Variants in SGCD observed in about 807,000 individuals in gnomAD.
The protein encoded by SGCD is sarcoglycan delta, also known as delta-sarcoglycan.
SGCD carries 18 observed loss-of-function variants against 36.6 expected under a neutral mutation model. That is an observed-to-expected ratio of 0.49 (90% CI 0.34 to 0.73). SGCD has a LOEUF of 0.73. Ranked by LOEUF, SGCD falls within the 30% of genes least tolerant of loss-of-function variation. The pLI, the probability that SGCD is intolerant of heterozygous loss-of-function variation, is 0.01. For synonymous variants in SGCD, 133 were observed against 130.6 expected (o/e 1.02, Z -0.12); for missense variants, 387 against 346.7 (o/e 1.12, Z -0.92).
intron 1 of SGCD, among the ~76,000 whole-genome samples, chr5:156,049,190 G>A (rs1174179108): frequency 6.8e-6 from 1 of 146,218 alleles, no homozygotes; most frequent in African/African-American, 2.5e-5. Context: ...CTATATCTCT[G>A]TTTTGGTACC....
the SGCD span, among the ~76,000 whole-genome samples, chr5:155,824,691 G>C: frequency 1.1e-4 from 17 of 152,254 alleles, no homozygotes; most frequent in Non-Finnish European, 1.8e-4. Context: ...TGATTGGCGA[G>C]TGGTTAAGAC....
intron 1 of SGCD, among the ~76,000 whole-genome samples, chr5:156,075,601 TA>T (rs1760756271): frequency 6.6e-6 from 1 of 152,198 alleles, no homozygotes; most frequent in South Asian, 2.1e-4. Context: ...ATTGATATTT[TA>T]TAATGGTTAA....
chr5:156,471,028 A>G (rs972343959), intron 3 of SGCD, among the ~76,000 whole-genome samples: 8 of 152,126 alleles, frequency 5.3e-5, no homozygotes, highest in African/African-American at 1.9e-4. Context: ...GAATAAAGGG[A>G]TTTAACTAGG....
intron 2 of SGCD, among the ~76,000 whole-genome samples, chr5:156,119,879 T>G (rs920195859): frequency 6.6e-6 from 1 of 152,124 alleles, no homozygotes; most frequent in Non-Finnish European, 1.5e-5. Flanking sequence ...CAACCACTAA[T>G]TGATACCTTT....
At chr5:156,336,759 G>C (rs10061194) in intron 2 of SGCD, among the ~76,000 whole-genome samples, 1 of 152,104 alleles carries the variant, frequency 6.6e-6, no homozygotes, top group Admixed American at 6.5e-5. Flanking sequence ...GAGGCTGAAG[G>C]TATGAATGAG....
intron 1 of SGCD, among the ~76,000 whole-genome samples, chr5:156,033,908 G>A (rs1356907695): frequency 6.6e-6 from 1 of 152,088 alleles, no homozygotes; most frequent in Non-Finnish European, 1.5e-5. Flanking sequence ...TTATATCAAA[G>A]ATGCCAGCCA....
chr5:155,886,018 C>T (rs1050578128), intron 1 of SGCD, among the ~76,000 whole-genome samples: 5 of 152,132 alleles, frequency 3.3e-5, no homozygotes, highest in African/African-American at 1.2e-4. Flanking sequence ...TTTGGCTGAA[C>T]ATTTATTTAG....
At chr5:156,189,154 T>G (rs531395347) in intron 3 of SGCD, among the ~76,000 whole-genome samples, 38 of 152,310 alleles carry the variant, frequency 2.5e-4, no homozygotes, top group African/African-American at 8.9e-4. Flanking sequence ...TTTGCCTCCT[T>G]TAACATCCAA....
intron 3 of SGCD, among the ~76,000 whole-genome samples, chr5:156,464,214 A>T (rs1344652229): frequency 5.9e-4 from 74 of 125,328 alleles, no homozygotes; most frequent in African/African-American, 2.2e-3. Flanking sequence ...TTGAATCTAC[A>T]TATTTTTTTT....
intron 7 of SGCD, among the ~76,000 whole-genome samples, chr5:156,719,835 T>G (rs901184761): frequency 6.6e-6 from 1 of 152,064 alleles, no homozygotes; most frequent in African/African-American, 2.4e-5. Context: ...TTTTTTTTTT[T>G]TTTTTGGCTA....
At chr5:156,618,715 C>G (rs1050458229) in intron 6 of SGCD, among the ~76,000 whole-genome samples, 7 of 152,028 alleles carry the variant, frequency 4.6e-5, no homozygotes, top group Admixed American at 1.3e-4. Flanking sequence ...TTTCCCCTCG[C>G]AAGCTTGAGG....
Position 156,434,585 on chromosome 5 carries a change from G to A in SGCD, c.193-74016G>A, listed in dbSNP as rs576228226. ...CTGATAGACATTAATGAATGAAGCC[G>A]TATGATTAAAACATCTGGCACTGTC... On this transcript the variant is annotated intron_variant, in intron 3 of 8. Coordinates refer to ENST00000337851, the MANE Select transcript of SGCD (RefSeq NM_000337.6). Among the ~76,000 whole-genome samples the A allele has an allele frequency of 5.9e-5, 9 of 152,304 alleles. No homozygotes were observed. In the East Asian group the frequency reaches 7.7e-4, roughly 13 times the overall value.
the SGCD span, among the ~76,000 whole-genome samples, chr5:155,844,886 T>A: frequency 6.6e-6 from 1 of 152,346 alleles, no homozygotes; most frequent in African/African-American, 2.4e-5. Flanking sequence ...TCATCTTTTT[T>A]TATTATTGTA....
At chr5:155,987,756 A>G (rs1758358723) in intron 1 of SGCD, among the ~76,000 whole-genome samples, 1 of 152,116 alleles carries the variant, frequency 6.6e-6, no homozygotes, top group African/African-American at 2.4e-5. Context: ...TATTTTTATC[A>G]GGCAAACTCC....
chr5:155,752,816 A>G, the SGCD span, among the ~76,000 whole-genome samples: 1 of 152,252 alleles, frequency 6.6e-6, no homozygotes, highest in East Asian at 1.9e-4. Context: ...AGCTTTTCAC[A>G]TTGGCCCCTT....
chr5:156,732,176 G>C lies in SGCD; in HGVS notation c.576-25405G>C, dbSNP rs1406145345. Reference sequence around the variant, plus strand: ...TACCCAGGTGAGAACTTCCAATACTGTGTTGAATAGGAGTGGTGAGAGAAG... The same window carrying C: ...TACCCAGGTGAGAACTTCCAATACTCTGTTGAATAGGAGTGGTGAGAGAAG... On this transcript the variant is annotated intron_variant, in intron 7 of 8. Coordinates refer to ENST00000337851, the MANE Select transcript of SGCD (RefSeq NM_000337.6). Among the ~76,000 whole-genome samples the C allele has an allele frequency of 2.6e-5, 4 of 151,988 alleles. No homozygotes were observed. In the South Asian group the frequency reaches 8.3e-4, roughly 32 times the overall value.
chr5:155,815,591 G>T, the SGCD span, among the ~76,000 whole-genome samples: 6 of 152,202 alleles, frequency 3.9e-5, no homozygotes, highest in African/African-American at 1.4e-4. Context: ...AGGAAGCATG[G>T]TTAGGGAGAT....
chr5:156,098,932 G>C (rs572775172), intron 1 of SGCD, among the ~76,000 whole-genome samples: 66 of 152,288 alleles, frequency 4.3e-4, no homozygotes, highest in African/African-American at 1.6e-3. Context: ...CTTATGTCTG[G>C]CTGGCTTCCC....
At chr5:156,436,470 G>A (rs1753252620) in intron 3 of SGCD, among the ~76,000 whole-genome samples, 1 of 152,162 alleles carries the variant, frequency 6.6e-6, no homozygotes, top group East Asian at 1.9e-4. Flanking sequence ...TGCTAGTGTA[G>A]GATTCTGTTC....
Sources: allele counts gnomAD v4.1 joint callset (sites outside exome capture counted in the v4.1 genomes callset), GRCh38; gene constraint gnomAD v4.1.1; transcripts MANE v1.5; gene names NCBI Gene and HGNC (gene_info 2026-07-23, HGNC 2026-07-21).